Variants in ANXA13 observed in about 807,000 individuals in gnomAD.
ANXA13 encodes the protein annexin A13.
Under a neutral mutation model 46.6 loss-of-function variants are expected in ANXA13, and 36 were observed. The ratio of observed to expected loss-of-function variants is 0.77; its 90% CI spans 0.59 to 1.02. ANXA13 has a LOEUF of 1.02. Among genes scored for constraint, ANXA13 ranks in the 50% least tolerant of loss-of-function variants. The pLI, the probability that ANXA13 is intolerant of heterozygous loss-of-function variation, is 0.00. For missense variants in ANXA13, 417 were observed against 396.5 expected, an observed-to-expected ratio of 1.05 and a Z score of -0.44; for synonymous variants, 163 against 152.9, an observed-to-expected ratio of 1.07 and a Z score of -0.49.
In ANXA13 at chr8:123,680,997, A is replaced by G. The variant is rs933823334; in HGVS notation, c.*243T>C. The G allele has an allele frequency of 6.6e-6, 3 of 457,226 alleles. No homozygotes were observed. The highest frequency in any genetic ancestry group is 1.2e-5 in the Non-Finnish European group (3 of 256,372). The allele number at this position is 457,226 out of a possible 1,614,324, so 28.3% of individuals were successfully genotyped here. On this transcript the variant is annotated 3_prime_UTR_variant, in exon 11 of 11. Coordinates refer to ENST00000419625, the MANE Select transcript of ANXA13 (RefSeq NM_004306.4). Reference sequence around the variant, plus strand: ...TTAGAAAACATCCAGTTACCATGCTAAAAGAAAGTGAAGAGGCAGCCTAGA... The same window carrying G: ...TTAGAAAACATCCAGTTACCATGCTGAAAGAAAGTGAAGAGGCAGCCTAGA...
chr8:123,695,613 GCAGAT>G, intron 5 of ANXA13, 32 bp from the exon 6 acceptor site: 2 of 1,610,220 alleles, frequency 1.2e-6, no homozygotes, highest in South Asian at 2.2e-5. Flanking sequence ...AGGGAAGAAA[GCAGAT>G]GATTTAGTTT....
chr8:123,694,074 T>A (rs1813289070), intron 6 of ANXA13, among the ~76,000 whole-genome samples: 1 of 151,984 alleles, frequency 6.6e-6, no homozygotes, highest in Admixed American at 6.6e-5. Flanking sequence ...TGGTTTTCCC[T>A]AGAATGAGTC....
intron 2 of ANXA13, among the ~76,000 whole-genome samples, chr8:123,703,616 T>G (rs772773812): frequency 2.6e-4 from 39 of 152,190 alleles, no homozygotes; most frequent in Non-Finnish European, 1.6e-4. Context: ...GCTGAAACTG[T>G]TACAATATTA....
chr8:123,706,358 G>A (rs943170649), intron 2 of ANXA13, among the ~76,000 whole-genome samples: 1 of 152,170 alleles, frequency 6.6e-6, no homozygotes, highest in Non-Finnish European at 1.5e-5. Context: ...TGTCCCAGAC[G>A]AGGGCCTTGG....
chr8:123,736,632 A>G (rs1269949708), intron 1 of ANXA13, among the ~76,000 whole-genome samples: 1 of 152,222 alleles, frequency 6.6e-6, no homozygotes, highest in Non-Finnish European at 1.5e-5. Flanking sequence ...TTGCAACATG[A>G]ACCTATCTTT....
chr8:123,704,375 G>A (rs927182192), intron 2 of ANXA13, among the ~76,000 whole-genome samples: 16 of 152,030 alleles, frequency 1.1e-4, no homozygotes. Flanking sequence ...GTACCTGACT[G>A]TTCTGCAGCA....
intron 1 of ANXA13, among the ~76,000 whole-genome samples, chr8:123,731,730 TG>T (rs1814122409): frequency 6.6e-6 from 1 of 152,056 alleles, no homozygotes; most frequent in African/African-American, 2.4e-5. Context: ...AAAAAGTAGC[TG>T]GGCGTTGTCA....
chr8:123,698,317 G>A (rs774218492), intron 4 of ANXA13, 72 bp downstream of exon 4: 30 of 1,525,862 alleles, frequency 2.0e-5, no homozygotes, highest in Admixed American at 3.6e-5. Context: ...GGGAAGTAGG[G>A]TCCCTTCTGG....
intron 6 of ANXA13, among the ~76,000 whole-genome samples, chr8:123,694,769 T>A (rs1441248052): frequency 2.6e-5 from 4 of 152,184 alleles, no homozygotes; most frequent in African/African-American, 9.7e-5. Flanking sequence ...CCATGGAAAC[T>A]GTGAGATGAT....
intron 2 of ANXA13, among the ~76,000 whole-genome samples, chr8:123,706,037 G>C (rs775235031): frequency 6.6e-6 from 1 of 152,180 alleles, no homozygotes; most frequent in Non-Finnish European, 1.5e-5. Context: ...CACCTCTACA[G>C]CTCTGGGAAC....
Position 123,712,681 on chromosome 8 carries a change from T to A in ANXA13, c.88A>T (p.Met30Leu). Residue 30 changes from methionine to leucine, a missense_variant, in exon 2 of 11, where the codon ATG becomes TTG. Physicochemically the swap from Met to Leu is conservative, Grantham distance 15 (BLOSUM62 2). Transcript: ENST00000419625. Reference protein sequence around the residue: ...AKKLNKACKGMGTNEAAIIEI... With the variant: ...AKKLNKACKGLGTNEAAIIEI... ...AGCAACAAAATATCTCTCATACCCA[T>A]TCCTTTGCAGGCTTTGTTCAGCTTT... 4 of 1,614,134 alleles carry A rather than the reference T, an allele frequency of 2.5e-6. No individual in the cohort carries two copies. Among genetic ancestry groups the A allele is most frequent in the Non-Finnish European group, 2.5e-6 (3 of 1,179,954 alleles).
At chr8:123,699,579 A>T (rs189188844) in intron 3 of ANXA13, among the ~76,000 whole-genome samples, 55 of 152,328 alleles carry the variant, frequency 3.6e-4, no homozygotes, top group African/African-American at 9.9e-4. Flanking sequence ...TCCCTCTGAC[A>T]ATGTGGTTTA....
chr8:123,700,687 G>A (rs1446589841), intron 3 of ANXA13, among the ~76,000 whole-genome samples: 1 of 152,130 alleles, frequency 6.6e-6, no homozygotes, highest in Non-Finnish European at 1.5e-5. Context: ...AAGAAGCATT[G>A]TATCCGATTT....
intron 9 of ANXA13, 145 bp downstream of exon 9, chr8:123,688,726 A>G: frequency 1.5e-6 from 1 of 685,228 alleles, no homozygotes; most frequent in South Asian, 1.7e-5. Flanking sequence ...ACTACATCAC[A>G]GTCACTCTCT....
rs146565243 is a variant in ANXA13 at position 123,717,963 on chromosome 8, C to T, written c.16-5210G>A. ...CGCTGTACCTCTGGCTTGGGGCTCA[C>T]GCCCAGACTCGCACCCAGGCTCGCT... On this transcript the variant is annotated intron_variant, in intron 1 of 10. Coordinates refer to ENST00000419625, the MANE Select transcript of ANXA13 (RefSeq NM_004306.4). Among the ~76,000 whole-genome samples, 75 of 152,352 alleles carry T rather than the reference C, an allele frequency of 4.9e-4. No individual in the cohort carries two copies. In the East Asian group the frequency reaches 0.014, roughly 28 times the overall value.
chr8:123,709,511 G>T (rs1435980218), intron 2 of ANXA13, among the ~76,000 whole-genome samples: 1 of 151,602 alleles, frequency 6.6e-6, no homozygotes, highest in Admixed American at 6.6e-5. Context: ...TTAACGCATT[G>T]ATGCCTGAGG....
intron 1 of ANXA13, chr8:123,728,212 G>A (rs1563620309): frequency 6.6e-6 from 1 of 152,264 alleles, no homozygotes; most frequent in Non-Finnish European, 1.5e-5. Context: ...TTGTGTCCTG[G>A]GGAAAATGAC....
intron 1 of ANXA13, among the ~76,000 whole-genome samples, chr8:123,721,981 T>TA (rs1459399770): frequency 2.0e-5 from 3 of 152,154 alleles, no homozygotes; most frequent in African/African-American, 7.2e-5. Flanking sequence ...GGTTATTGTC[T>TA]AAATAATAGT....
At chr8:123,681,403 GTGTTCACAAACA>G (rs1189442844) in intron 10 of ANXA13, 44 bp from the exon 11 acceptor site, 1 of 1,588,058 alleles carries the variant, frequency 6.3e-7, no homozygotes, top group Non-Finnish European at 8.6e-7. Flanking sequence ...CGTTTATGGT[GTGTTCACAAACA>G]GTGGGCACTG....
Sources: allele counts gnomAD v4.1 joint callset (sites outside exome capture counted in the v4.1 genomes callset), GRCh38; gene constraint gnomAD v4.1.1; transcripts MANE v1.5; gene names NCBI Gene and HGNC (gene_info 2026-07-23, HGNC 2026-07-21).